SOX5: variants seen among roughly 807,000 people sequenced by gnomAD.
The protein encoded by SOX5 is transcription factor SOX-5.
A neutral mutation model predicts 92.0 loss-of-function variants in SOX5; 9 were observed. That is an observed-to-expected ratio of 0.10 (90% confidence interval 0.06 to 0.17). SOX5 has a LOEUF of 0.17. Among genes scored for constraint, SOX5 ranks in the 10% least tolerant of loss-of-function variants. The pLI is 1.00. For synonymous variants in SOX5, 344 were observed against 336.3 expected (o/e 1.02, Z -0.25); for missense variants, 642 against 944.5 (o/e 0.68, Z 4.20).
At chr12:24,243,963 C>T (rs962028250) in intron 3 of SOX5, among the ~76,000 whole-genome samples, 2 of 151,014 alleles carry the variant, frequency 1.3e-5, no homozygotes, top group Admixed American at 1.3e-4. Flanking sequence ...TGAATTCAAG[C>T]TATCTAATTT....
intron 6 of SOX5, among the ~76,000 whole-genome samples, chr12:23,676,387 C>T (rs556713253): frequency 6.6e-6 from 1 of 152,038 alleles, no homozygotes; most frequent in Non-Finnish European, 1.5e-5. Context: ...ATCCATGAAC[C>T]CCTAAAAAAG....
chr12:23,624,619 G>A (rs368261113), intron 8 of SOX5, among the ~76,000 whole-genome samples: 1 of 152,144 alleles, frequency 6.6e-6, no homozygotes, highest in African/African-American at 2.4e-5. Flanking sequence ...TCCAGCCCAC[G>A]CTCAAACTCC....
intron 3 of SOX5, among the ~76,000 whole-genome samples, chr12:23,770,684 C>A (rs1466073958): frequency 1.3e-5 from 2 of 152,080 alleles, no homozygotes; most frequent in East Asian, 1.9e-4. Context: ...GAACTGTCAT[C>A]CCATCAGTAA....
At chr12:24,012,406 CG>C (rs1267190456) in intron 4 of SOX5, among the ~76,000 whole-genome samples, 1 of 152,060 alleles carries the variant, frequency 6.6e-6, no homozygotes, top group African/African-American at 2.4e-5. Context: ...TCATATGACA[CG>C]GAAGTCCTAC....
intron 6 of SOX5, among the ~76,000 whole-genome samples, chr12:23,715,127 G>A (rs1445628737): frequency 6.6e-6 from 1 of 151,834 alleles, no homozygotes; most frequent in Non-Finnish European, 1.5e-5. Context: ...GTGAAACCCC[G>A]TCTCTACTAA....
intron 6 of SOX5, among the ~76,000 whole-genome samples, chr12:23,708,915 T>C (rs2091748151): frequency 6.6e-6 from 1 of 152,080 alleles, no homozygotes; most frequent in Admixed American, 6.6e-5. Flanking sequence ...TGAATGTTAA[T>C]ACAAGGTACC....
chr12:24,357,258 A>T (rs7134812), intron 2 of SOX5: 43,225 of 152,012 alleles, frequency 0.28, 6,778 homozygotes, highest in Non-Finnish European at 0.36. Context: ...TATTTAAGAA[A>T]TTTTTTTAAG....
intron 2 of SOX5, among the ~76,000 whole-genome samples, chr12:24,328,591 G>C (rs571834481): frequency 3.3e-5 from 5 of 152,232 alleles, no homozygotes; most frequent in Admixed American, 1.3e-4. Context: ...CCCTGTAGTG[G>C]AGCTGCTACT....
chr12:24,434,050 T>A (rs750766689), intron 1 of SOX5, among the ~76,000 whole-genome samples: 6 of 152,104 alleles, frequency 3.9e-5, no homozygotes. Flanking sequence ...TCTCTCGGAA[T>A]CAAGAGAGGG....
At chr12:24,350,354 C>T (rs963056616) in intron 2 of SOX5, among the ~76,000 whole-genome samples, 1 of 152,128 alleles carries the variant, frequency 6.6e-6, no homozygotes, top group Non-Finnish European at 1.5e-5. Context: ...CAGGGTATTA[C>T]TCTGTGGGCC....
At chr12:24,277,446 TTA>T (rs146511822) in intron 2 of SOX5, 161 of 99,470 alleles carry the variant, frequency 1.6e-3, no homozygotes, top group African/African-American at 2.6e-3. Flanking sequence ...TGATAAACCA[TTA>T]TATATATGTA....
intron 1 of SOX5, among the ~76,000 whole-genome samples, chr12:23,932,608 T>C (rs1052657259): frequency 2.6e-5 from 4 of 151,644 alleles, no homozygotes; most frequent in Admixed American, 6.6e-5. Context: ...AAGTTAATAG[T>C]AAAAAGTATA....
intron 1 of SOX5, among the ~76,000 whole-genome samples, chr12:24,500,516 C>A (rs545558025): frequency 6.6e-6 from 1 of 151,980 alleles, no homozygotes; most frequent in South Asian, 2.1e-4. Flanking sequence ...AAAAACACAC[C>A]CCAAAAGAGT....
At chr12:24,113,973 T>C (rs1486480668) in intron 4 of SOX5, among the ~76,000 whole-genome samples, 1 of 152,152 alleles carries the variant, frequency 6.6e-6, no homozygotes, top group East Asian at 1.9e-4. Context: ...CACAAAAAAA[T>C]GTGAGAGTTT....
intron 4 of SOX5, among the ~76,000 whole-genome samples, chr12:24,195,799 G>C (rs533209913): frequency 2.6e-5 from 4 of 152,070 alleles, no homozygotes; most frequent in Non-Finnish European, 5.9e-5. Flanking sequence ...TTGATGTTAA[G>C]GATTAATTAA....
intron 2 of SOX5, among the ~76,000 whole-genome samples, chr12:23,884,113 T>C (rs892002096): frequency 6.6e-6 from 1 of 152,212 alleles, no homozygotes; most frequent in East Asian, 1.9e-4. Flanking sequence ...TGACAATTAC[T>C]GAGTACCTGC....
intron 4 of SOX5, among the ~76,000 whole-genome samples, chr12:23,968,805 A>G (rs1269652918): frequency 6.6e-6 from 1 of 152,008 alleles, no homozygotes; most frequent in African/African-American, 2.4e-5. Context: ...CTGCCCCTTC[A>G]TTGATTTCTT....
intron 4 of SOX5, among the ~76,000 whole-genome samples, chr12:23,997,222 A>C (rs1209281436): frequency 1.3e-5 from 2 of 152,170 alleles, no homozygotes; most frequent in Admixed American, 6.6e-5. Flanking sequence ...CACCTTATTC[A>C]CCAGCCCTAA....
intron 3 of SOX5, among the ~76,000 whole-genome samples, chr12:23,787,093 T>C (rs2095394080): frequency 8.9e-6 from 1 of 112,710 alleles, no homozygotes; most frequent in Admixed American, 7.7e-5. Flanking sequence ...CTTTTGATCT[T>C]AGATGGAGGA....
Sources: allele counts gnomAD v4.1 joint callset (sites outside exome capture counted in the v4.1 genomes callset), GRCh38; gene constraint gnomAD v4.1.1; transcripts MANE v1.5; gene names NCBI Gene and HGNC (gene_info 2026-07-23, HGNC 2026-07-21).